TRIM72: variants seen among roughly 807,000 people sequenced by gnomAD.
TRIM72 encodes tripartite motif-containing protein 72.
A neutral mutation model predicts 31.6 loss-of-function variants in TRIM72; 33 were observed. That is an observed-to-expected ratio of 1.04 (90% CI 0.79 to 1.40). TRIM72 has a LOEUF of 1.40. Among genes scored for constraint, TRIM72 ranks in the 40% most tolerant of loss-of-function variants. TRIM72 has a pLI of 0.00. For missense variants in TRIM72, 666 were observed against 682.7 expected (o/e 0.98, Z 0.27); for synonymous variants, 301 against 314.4 (o/e 0.96, Z 0.45).
intron 5 of TRIM72, 27 bp from the exon 6 acceptor site, chr16:31,222,800 G>GCCCCCC: frequency 3.6e-6 from 2 of 556,878 alleles, no homozygotes; most frequent in Non-Finnish European, 5.9e-6. Context: ...CCTCACACAT[G>GCCCCCC]CCTCCCCTTC....
In TRIM72 at chr16:31,228,053, G is replaced by T; in HGVS notation, c.*3298G>T. On this transcript the variant is annotated 3_prime_UTR_variant, in exon 7 of 7. Transcript: ENST00000322122. The stretch of plus-strand genomic sequence containing the variant: ...CAACCTCTGCCTCCCAGGTTCAAGT[G>T]ATCCTCCTGCCTCAGCCTCCCGAGT... 1 of 152,478 alleles carries T rather than the reference G, an allele frequency of 6.6e-6. No homozygotes were observed. Among genetic ancestry groups the T allele is most frequent in the Non-Finnish European group, 1.5e-5 (1 of 68,282 alleles). The allele number at this position is 152,478 out of a possible 1,614,324, so 9.4% of individuals were successfully genotyped here.
At position 31,227,409 on chromosome 16, in the gene TRIM72, G is replaced by A. The variant is rs1190777707; in HGVS notation, c.*2654G>A. On this transcript the variant is annotated 3_prime_UTR_variant, in exon 7 of 7. Coordinates refer to ENST00000322122, the MANE Select transcript of TRIM72 (RefSeq NM_001008274.4). ...GTTTGTTTGTTTTGTTTGAGACAGA[G>A]TCTCGCTCTGTCGCCCAGGCTGGAG... 1.3e-5 allele frequency: 2 copies of A among 152,450 alleles called. No homozygotes were observed. The highest frequency in any genetic ancestry group is 2.9e-5 in the Non-Finnish European group (2 of 68,246). 9.4% of individuals were successfully genotyped at this position (152,450 alleles called of 1,614,324 possible).
chr16:31,220,191 G>A (rs142841418), intron 4 of TRIM72, among the ~76,000 whole-genome samples: 167 of 151,944 alleles, frequency 1.1e-3, no homozygotes, highest in African/African-American at 3.5e-3. Context: ...GACTACAGGC[G>A]CTTACCTGGC....
rs1173937883 is a variant in TRIM72 at position 31,215,155 on chromosome 16, G to A, written c.390+27G>A. On this transcript the variant is annotated intron_variant, in intron 2 of 6. Transcript: ENST00000322122. The surrounding 1 kb of genome is among the most constrained non-coding windows in gnomAD (Gnocchi z 6.3). ...TGCGGGATCCGCGCGCATCGTGGTC[G>A]GAGGGGCTGTTCGGTGGCACGGGGC... 3 of 1,430,644 alleles carry A rather than the reference G, an allele frequency of 2.1e-6. No homozygotes were observed. The highest frequency in any genetic ancestry group is 1.5e-5 in the African/African-American group (1 of 66,924). The allele number at this position is 1,430,644 out of a possible 1,614,324, so 88.6% of individuals were successfully genotyped here.
Position 31,224,849 on chromosome 16 carries a change from GC to G in TRIM72, c.*96del. 7.7e-7 allele frequency: 1 copy of G among 1,295,424 alleles called. No individual in the cohort carries two copies. The highest frequency in any genetic ancestry group is 1.0e-6 in the Non-Finnish European group (1 of 988,810). The allele number at this position is 1,295,424 out of a possible 1,614,324, so 80.2% of individuals were successfully genotyped here. ...ACGGGAGAAGGGTGGGGAGCGGGTT[GC>G]CAGGGCCCAGGGGGCTGGGAACTGG... On this transcript the variant is annotated 3_prime_UTR_variant, in exon 7 of 7. Coordinates refer to ENST00000322122, the MANE Select transcript of TRIM72 (RefSeq NM_001008274.4).
rs1465219869 is a variant in TRIM72, at chr16:31,219,729, T to G, written c.717+210T>G. Among the ~76,000 whole-genome samples the G allele has an allele frequency of 6.6e-6, 1 of 152,168 alleles. No homozygotes were observed. Among genetic ancestry groups the G allele is most frequent in the Non-Finnish European group, 1.5e-5 (1 of 68,034 alleles). On this transcript the variant is annotated intron_variant, in intron 4 of 6. Transcript: ENST00000322122. The surrounding 1 kb of genome is among the most constrained non-coding windows in gnomAD (Gnocchi z 4.2). ...GTGAGCACTATTCATATCATAGACA[T>G]TGTAGGTTTATATATTTATTAGGAC...
chr16:31,222,426 C>A (rs1596942096), intron 5 of TRIM72, among the ~76,000 whole-genome samples: 1 of 144,568 alleles, frequency 6.9e-6, no homozygotes, highest in African/African-American at 2.5e-5. Context: ...ACCAAATAAA[C>A]AGTGGTAAAA....
chr16:31,221,025 G>C, intron 5 of TRIM72, 107 bp downstream of exon 5: 1 of 1,405,198 alleles, frequency 7.1e-7, no homozygotes. Context: ...CCGCAATTCA[G>C]TCTGCTGCCC....
Position 31,219,095 on chromosome 16 carries a change from A to C in TRIM72, c.391A>C (p.Thr131Pro), listed in dbSNP as rs2079522056. The C allele has an allele frequency of 6.4e-7, 1 of 1,567,520 alleles. No homozygotes were observed. Among genetic ancestry groups the C allele is most frequent in the East Asian group, 2.4e-5 (1 of 42,446 alleles). ...PAAEAHARLK[T>P]QLPQQKLQLQ... ...CACTTCTCCATGCCTCGACCCCCAG[A>C]CACAGCTGCCACAGCAGAAACTGCA... The change falls in exon 3 of 7, where the codon ACA becomes CCA. Residue 131 changes from threonine (T) to proline (P), a missense_variant and splice_region_variant. Thr to Pro is a conservative substitution (Grantham distance 38). Transcript: ENST00000322122. The surrounding 1 kb of genome is among the most constrained non-coding windows in gnomAD (Gnocchi z 4.2).
chr16:31,224,719 G>A lies in TRIM72; in HGVS notation c.1398G>A (p.Pro466=), dbSNP rs1271413910. Reference sequence around the variant, plus strand: ...ACGACAAGGGCAAGAATGCCCAGCCGCTGCTGCTCGTGGGTCCCGAAGGCG... The same window carrying A: ...ACGACAAGGGCAAGAATGCCCAGCCACTGCTGCTCGTGGGTCCCGAAGGCG... The part of the protein sequence containing the change: ...CWHDKGKNAQ[P]LLLVGPEGAE... Residue 466 remains proline, a synonymous_variant, in exon 7 of 7, where the codon CCG becomes CCA. Coordinates refer to ENST00000322122, the MANE Select transcript of TRIM72 (RefSeq NM_001008274.4). 1.3e-6 allele frequency: 2 copies of A among 1,527,344 alleles called. No individual in the cohort carries two copies. Among genetic ancestry groups the A allele is most frequent in the African/African-American group, 1.4e-5 (1 of 71,914 alleles). 94.6% of individuals were successfully genotyped at this position (1,527,344 alleles called of 1,614,324 possible). A position where few individuals can be genotyped will look rare whatever the true frequency, so the allele number is the denominator to read the frequency against.
At position 31,224,506 on chromosome 16, in the gene TRIM72, G is replaced by C; in HGVS notation, c.1185G>C (p.Val395=). 6.7e-7 allele frequency: 1 copy of C among 1,492,898 alleles called. No individual in the cohort carries two copies. Among genetic ancestry groups the C allele is most frequent in the Non-Finnish European group, 8.9e-7 (1 of 1,129,376 alleles). 92.5% of individuals were successfully genotyped at this position (1,492,898 alleles called of 1,614,324 possible). Reference sequence around the variant, plus strand: ...AGGGCAAGATCCTGGAGGCACACGTGGAGGCCAAGGAGCCGCGCGCTCTGC... The same window carrying C: ...AGGGCAAGATCCTGGAGGCACACGTCGAGGCCAAGGAGCCGCGCGCTCTGC... ...LREGKILEAH[V]EAKEPRALRS... The change falls in exon 7 of 7, where the codon GTG becomes GTC. Residue 395 remains valine, a synonymous_variant. Transcript: ENST00000322122.
Position 31,215,159 on chromosome 16 carries a change from G to C in TRIM72, c.390+31G>C, listed in dbSNP as rs1248390922. On this transcript the variant is annotated intron_variant, in intron 2 of 6. Transcript: ENST00000322122. The surrounding 1 kb of genome is among the most constrained non-coding windows in gnomAD (Gnocchi z 6.3). ...GGATCCGCGCGCATCGTGGTCGGAG[G>C]GGCTGTTCGGTGGCACGGGGCCGAT... 1 of 1,429,202 alleles carries C rather than the reference G, an allele frequency of 7.0e-7. No homozygotes were observed. The highest frequency in any genetic ancestry group is 1.5e-5 in the African/African-American group (1 of 66,906). The allele number at this position is 1,429,202 out of a possible 1,614,324, so 88.5% of individuals were successfully genotyped here.
rs757591434 is a variant in TRIM72, at chr16:31,228,215, AC to A, written c.*3461del. 2.0e-5 allele frequency: 3 copies of A among 151,826 alleles called. No individual in the cohort carries two copies. The highest frequency in any genetic ancestry group is 6.6e-5 in the Admixed American group (1 of 15,214). 9.4% of individuals were successfully genotyped at this position (151,826 alleles called of 1,614,324 possible). On this transcript the variant is annotated 3_prime_UTR_variant, in exon 7 of 7. Transcript: ENST00000322122. ...ATCCCCCAACTCGGCCTCCCAAAGT[AC>A]TAGGATTACAGGCTTGAACCGCCGC...
chr16:31,214,777 C>A lies in TRIM72; in HGVS notation c.39C>A (p.Ser13=). 3.2e-6 allele frequency: 5 copies of A among 1,582,298 alleles called. No individual in the cohort carries two copies. Among genetic ancestry groups the A allele is most frequent in the Non-Finnish European group, 2.6e-6 (3 of 1,173,652 alleles). The change falls in exon 2 of 7, where the codon TCC becomes TCA. Residue 13 remains serine, a synonymous_variant. Transcript: ENST00000322122. Reference sequence around the variant, plus strand: ...CCGGCCTCCTGCACCAGGAGCTGTCCTGCCCGCTGTGCCTGCAGCTGTTCG... The same window carrying A: ...CCGGCCTCCTGCACCAGGAGCTGTCATGCCCGCTGTGCCTGCAGCTGTTCG... ...AAPGLLHQEL[S]CPLCLQLFDA...
chr16:31,216,644 CAG>C lies in TRIM72; in HGVS notation c.390+1517_390+1518del. The C allele has an allele frequency of 7.6e-7, 1 of 1,320,382 alleles. No homozygotes were observed. Among genetic ancestry groups the C allele is most frequent in the South Asian group, 1.4e-5 (1 of 72,582 alleles). 81.8% of individuals were successfully genotyped at this position (1,320,382 alleles called of 1,614,324 possible). ...TGGCCGGAGGTCTGAGGGAGGACCC[CAG>C]GAGGGACCCTGAAGGAGGGGAACAG... On this transcript the variant is annotated intron_variant, in intron 2 of 6. Coordinates refer to ENST00000322122, the MANE Select transcript of TRIM72 (RefSeq NM_001008274.4). This position sits in a 1 kb window ranked among gnomAD's most constrained non-coding sequence, Gnocchi z 6.7.
chr16:31,219,034 T>A lies in TRIM72; in HGVS notation c.391-61T>A, dbSNP rs1157905795. 3.4e-6 allele frequency: 5 copies of A among 1,472,526 alleles called. No individual in the cohort carries two copies. Among genetic ancestry groups the A allele is most frequent in the Non-Finnish European group, 4.6e-6 (5 of 1,083,166 alleles). 91.2% of individuals were successfully genotyped at this position (1,472,526 alleles called of 1,614,324 possible). ...TGAGCCACAGAGGGCAGGTTTAGGA[T>A]GGGAGGTGTGGGTTTTGGGTGGGTG... is the stretch of plus-strand genomic sequence containing the variant. On this transcript the variant is annotated intron_variant, in intron 2 of 6. Transcript: ENST00000322122. The surrounding 1 kb of genome is among the most constrained non-coding windows in gnomAD (Gnocchi z 4.2).
Position 31,215,080 on chromosome 16 carries a change from C to A in TRIM72, c.342C>A (p.His114Gln), listed in dbSNP as rs767161211. ...GAGTGTGCGCCTCACTCGGCTCGCACCGCGGTCATCGCCTCCTGCCTGCCG... is the reference window on the plus strand; with the variant it reads ...GAGTGTGCGCCTCACTCGGCTCGCAACGCGGTCATCGCCTCCTGCCTGCCG... ...VCGVCASLGS[H>Q]RGHRLLPAAE... Residue 114 changes from histidine to glutamine, a missense_variant, in exon 2 of 7, where the codon CAC (histidine) becomes CAA (glutamine). Physicochemically the swap from His to Gln is conservative, Grantham distance 24 (BLOSUM62 0). Transcript: ENST00000322122. This position sits in a 1 kb window ranked among gnomAD's most constrained non-coding sequence, Gnocchi z 6.3. The A allele has an allele frequency of 6.9e-7, 1 of 1,454,102 alleles. No homozygotes were observed. Among genetic ancestry groups the A allele is most frequent in the African/African-American group, 1.5e-5 (1 of 67,784 alleles). 90.1% of individuals were successfully genotyped at this position (1,454,102 alleles called of 1,614,324 possible).
chr16:31,219,645 G>A lies in TRIM72; in HGVS notation c.717+126G>A. ...CAGCAGCACACAGCCGGGAGGGGCA[G>A]GCCTCAGGACTGCTATATGGTTGTT... On this transcript the variant is annotated intron_variant, in intron 4 of 6. Coordinates refer to ENST00000322122, the MANE Select transcript of TRIM72 (RefSeq NM_001008274.4). This position sits in a 1 kb window ranked among gnomAD's most constrained non-coding sequence, Gnocchi z 4.2. The A allele has an allele frequency of 2.3e-6, 2 of 868,014 alleles. No homozygotes were observed. The highest frequency in any genetic ancestry group is 3.6e-6 in the Non-Finnish European group (2 of 550,048). 53.8% of individuals were successfully genotyped at this position (868,014 alleles called of 1,614,324 possible).
At position 31,224,419 on chromosome 16, in the gene TRIM72, C is replaced by A. The variant is rs2079546857; in HGVS notation, c.1098C>A (p.Ala366=). The A allele has an allele frequency of 7.0e-7, 1 of 1,421,762 alleles. No homozygotes were observed. Among genetic ancestry groups the A allele is most frequent in the Non-Finnish European group, 9.1e-7 (1 of 1,099,304 alleles). The allele number at this position is 1,421,762 out of a possible 1,614,324, so 88.1% of individuals were successfully genotyped here. A position where few individuals can be genotyped will look rare whatever the true frequency, so the allele number is the denominator to read the frequency against. ...CGCTGGGCGTGATCGCGGCCGAGGC[C>A]CCCCGCCGCGGGCGCCTGCACGCGG... ...RWALGVIAAE[A]PRRGRLHAVP... is the part of the protein sequence containing the mutation. The change falls in exon 7 of 7, where the codon GCC becomes GCA. Residue 366 remains alanine (A), a synonymous_variant. Coordinates refer to ENST00000322122, the MANE Select transcript of TRIM72 (RefSeq NM_001008274.4).
Sources: allele counts gnomAD v4.1 joint callset (sites outside exome capture counted in the v4.1 genomes callset), GRCh38; gene constraint gnomAD v4.1.1; non-coding constraint Gnocchi (gnomAD v3.1); transcripts MANE v1.5; gene names NCBI Gene and HGNC (gene_info 2026-07-23, HGNC 2026-07-21).